The following TAFA5 variants were observed in gnomAD, a reference collection of about 807,000 sequenced individuals.
TAFA5 encodes the protein TAFA chemokine like family member 5, also known as chemokine-like protein TAFA-5.
In TAFA5, 6 loss-of-function variants were observed where a neutral mutation model predicts 15.3. The observed-to-expected ratio is 0.39, with a 90% CI of 0.21 to 0.77. TAFA5 has a LOEUF of 0.77. Ranked by LOEUF, TAFA5 falls within the 30% of genes least tolerant of loss-of-function variation. The pLI, the probability that TAFA5 is intolerant of heterozygous loss-of-function variation, is 0.41. For missense variants in TAFA5, 161 were observed against 193.1 expected (o/e 0.83, Z 0.98); for synonymous variants, 103 against 80.7 (o/e 1.28, Z -1.48).
At chr22:48,583,437 G>C (rs1601594683) in intron 1 of TAFA5, among the ~76,000 whole-genome samples, 1 of 121,474 alleles carries the variant, frequency 8.2e-6, no homozygotes, top group African/African-American at 3.3e-5. Context: ...CACACACACA[G>C]TACCCACCGC....
chr22:48,616,887 G>T (rs532581033), intron 1 of TAFA5, among the ~76,000 whole-genome samples: 3 of 152,248 alleles, frequency 2.0e-5, no homozygotes, highest in Admixed American at 6.5e-5. Context: ...GGAGCGTCTT[G>T]TCCGAGAGAG....
chr22:48,603,665 A>G (rs1394163007), intron 1 of TAFA5, among the ~76,000 whole-genome samples: 2 of 152,118 alleles, frequency 1.3e-5, no homozygotes, highest in Admixed American at 1.3e-4. Context: ...ATCTTCCCCA[A>G]CCAGCCCACA....
In TAFA5 at chr22:48,742,785, G is replaced by A. The variant is rs1258279810; in HGVS notation, c.391-7054G>A. Among the ~76,000 whole-genome samples the A allele has an allele frequency of 6.6e-6, 1 of 152,194 alleles. No homozygotes were observed. The highest frequency in any genetic ancestry group is 1.5e-5 in the Non-Finnish European group (1 of 68,028). ...TGGGCAGCATGGTGTATTAGAAGAG[G>A]AGAGATGGCCTGGGGTGCTCAGCGG... is the stretch of plus-strand genomic sequence containing the variant. On this transcript the variant is annotated intron_variant, in intron 3 of 3. Coordinates refer to ENST00000402357, the MANE Select transcript of TAFA5 (RefSeq NM_001082967.3). This position sits in a 1 kb window ranked among gnomAD's most constrained non-coding sequence, Gnocchi z 6.2.
intron 1 of TAFA5, among the ~76,000 whole-genome samples, chr22:48,542,874 G>A (rs1922511169): frequency 2.0e-5 from 3 of 151,082 alleles, no homozygotes. Flanking sequence ...TGTATGGTGT[G>A]TGTGATGTGT....
intron 1 of TAFA5, among the ~76,000 whole-genome samples, chr22:48,553,084 C>G (rs1023625874): frequency 6.6e-6 from 1 of 152,200 alleles, no homozygotes; most frequent in Non-Finnish European, 1.5e-5. Flanking sequence ...GGGCTCAGCT[C>G]AGACCCTGCT....
chr22:48,703,124 TTG>T lies in TAFA5; in HGVS notation c.263-4590_263-4589del, dbSNP rs1441175953. Among the ~76,000 whole-genome samples the T allele has an allele frequency of 2.0e-5, 3 of 152,058 alleles. No homozygotes were observed. The East Asian group carries it at 5.8e-4, about 29-fold the overall frequency. ...GTGTGCTGCACCTATAGATACGTGT[TTG>T]TGAGCATGCATGTAAATGGGCATGT... On this transcript the variant is annotated intron_variant, in intron 2 of 3. Transcript: ENST00000402357.
Position 48,648,395 on chromosome 22 carries a change from C to T in TAFA5, c.262+1649C>T, listed in dbSNP as rs556400516. Among the ~76,000 whole-genome samples, 12 of 152,266 alleles carry T rather than the reference C, an allele frequency of 7.9e-5. No individual in the cohort carries two copies. In the South Asian group the frequency reaches 8.3e-4, roughly 11 times the overall value. ...GGAGCCTGACGTGGGCAGCCTTGCCCGTGTGCTGTGATTGAGAACACGGGG... is the reference window on the plus strand; with the variant it reads ...GGAGCCTGACGTGGGCAGCCTTGCCTGTGTGCTGTGATTGAGAACACGGGG... On this transcript the variant is annotated intron_variant, in intron 2 of 3. Coordinates refer to ENST00000402357, the MANE Select transcript of TAFA5 (RefSeq NM_001082967.3).
intron 3 of TAFA5, among the ~76,000 whole-genome samples, chr22:48,734,766 C>T (rs976119452): frequency 2.0e-5 from 3 of 152,218 alleles, no homozygotes; most frequent in Admixed American, 6.5e-5. Context: ...AGAGGTGATA[C>T]GGATGTCGTG....
In TAFA5 at chr22:48,530,439, C is replaced by T. The variant is rs1443391865; in HGVS notation, c.112+40735C>T. On this transcript the variant is annotated intron_variant, in intron 1 of 3. Coordinates refer to ENST00000402357, the MANE Select transcript of TAFA5 (RefSeq NM_001082967.3). The surrounding 1 kb of genome is among the most constrained non-coding windows in gnomAD (Gnocchi z 6.0). ...GGCATTCAACTGAAAGGATTGGCTT[C>T]GAGTCTTGGCTGACCACTGGATACT... Among the ~76,000 whole-genome samples the T allele has an allele frequency of 1.3e-5, 2 of 152,160 alleles. No homozygotes were observed. The highest frequency in any genetic ancestry group is 2.4e-5 in the African/African-American group (1 of 41,436).
At chr22:48,515,300 A>T (rs2147103840) in intron 1 of TAFA5, among the ~76,000 whole-genome samples, 1 of 152,260 alleles carries the variant, frequency 6.6e-6, no homozygotes, top group South Asian at 2.1e-4. Context: ...GAGCTGGCAA[A>T]TGCTGGAGCC....
chr22:48,690,525 C>T (rs1418555708), intron 2 of TAFA5, among the ~76,000 whole-genome samples: 2 of 152,176 alleles, frequency 1.3e-5, no homozygotes, highest in Non-Finnish European at 2.9e-5. Context: ...CAGTGATGAC[C>T]AGCCCATCGC....
rs1377241283 is a variant in TAFA5 at position 48,489,867 on chromosome 22, G to T, written c.112+163G>T. On this transcript the variant is annotated intron_variant, in intron 1 of 3. Transcript: ENST00000402357. The surrounding 1 kb of genome is among the most constrained non-coding windows in gnomAD (Gnocchi z 5.5). ...GGCCGGTCCAACGCTGCGCTGGGCGGGCGAGAGGGTCCACCCGGGTTCCGG... is the reference window on the plus strand; with the variant it reads ...GGCCGGTCCAACGCTGCGCTGGGCGTGCGAGAGGGTCCACCCGGGTTCCGG... 6.6e-6 allele frequency among the ~76,000 whole-genome samples: 1 copy of T among 151,754 alleles called. No homozygotes were observed. The highest frequency in any genetic ancestry group is 2.4e-5 in the African/African-American group (1 of 41,378).
chr22:48,595,892 C>A (rs1008627416), intron 1 of TAFA5, among the ~76,000 whole-genome samples: 1 of 152,272 alleles, frequency 6.6e-6, no homozygotes, highest in Non-Finnish European at 1.5e-5. Context: ...GCAAAACAAT[C>A]TGTAAGTATG....
chr22:48,660,358 C>T (rs1453657093), intron 2 of TAFA5, among the ~76,000 whole-genome samples: 1 of 152,130 alleles, frequency 6.6e-6, no homozygotes, highest in Non-Finnish European at 1.5e-5. Context: ...GCAGAAGTGG[C>T]GCTTGCGCAC....
chr22:48,610,901 C>A (rs974370780), intron 1 of TAFA5, among the ~76,000 whole-genome samples: 1 of 151,820 alleles, frequency 6.6e-6, no homozygotes, highest in Admixed American at 6.6e-5. Context: ...CCTCCCACTC[C>A]AGTACATTAA....
intron 1 of TAFA5, among the ~76,000 whole-genome samples, chr22:48,583,866 ACACGC>A: frequency 6.7e-6 from 1 of 150,086 alleles, no homozygotes. Flanking sequence ...CACCACACAC[ACACGC>A]AACATCATAC....
At chr22:48,599,021 C>T (rs774528570) in intron 1 of TAFA5, among the ~76,000 whole-genome samples, 15 of 152,124 alleles carry the variant, frequency 9.9e-5, no homozygotes, top group African/African-American at 2.9e-4. Context: ...AGGGGAGGGG[C>T]GTGGGTGCTG....
chr22:48,509,952 A>G (rs1201264386), intron 1 of TAFA5, among the ~76,000 whole-genome samples: 3 of 83,112 alleles, frequency 3.6e-5, no homozygotes, highest in Non-Finnish European at 1.1e-4. Flanking sequence ...ATCTGTCTCA[A>G]AAAAAAAAAA....
intron 2 of TAFA5, among the ~76,000 whole-genome samples, chr22:48,676,562 T>C (rs748921320): frequency 8.5e-5 from 13 of 152,186 alleles, no homozygotes; most frequent in Non-Finnish European, 1.9e-4. Flanking sequence ...TCTCCAAGCC[T>C]GTGTGATGTC....
Sources: gnomAD v4.1 joint callset for allele counts (sites outside exome capture counted in the v4.1 genomes callset) on GRCh38, gnomAD v4.1.1 for gene constraint, Gnocchi (gnomAD v3.1) non-coding constraint, MANE v1.5 for transcripts, NCBI Gene and HGNC (gene_info 2026-07-23, HGNC 2026-07-21) for gene names.